Variants in ITSN1 observed in about 807,000 individuals in gnomAD.
ITSN1 encodes intersectin-1.
A neutral mutation model predicts 239.8 loss-of-function variants in ITSN1; 58 were observed. That is an observed-to-expected ratio of 0.24 (90% CI 0.20 to 0.30). The LOEUF (loss-of-function observed/expected upper bound fraction) is 0.30. Among genes scored for constraint, ITSN1 ranks in the 10% least tolerant of loss-of-function variants. ITSN1 has a pLI of 1.00. For missense variants in ITSN1, 1,558 were observed against 2,103.3 expected (o/e 0.74, Z 5.07); for synonymous variants, 780 against 770.8 (o/e 1.01, Z -0.20).
Position 33,750,155 on chromosome 21 carries a change from T to A in ITSN1, c.359T>A (p.Ile120Asn). 1 of 1,614,040 alleles carries A rather than the reference T, an allele frequency of 6.2e-7. No individual in the cohort carries two copies. Among genetic ancestry groups the A allele is most frequent in the Non-Finnish European group, 8.5e-7 (1 of 1,179,968 alleles). Reference protein sequence around the residue: ...SSAPAFGMGGIASMPPLTAVA... With the variant: ...SSAPAFGMGGNASMPPLTAVA... The stretch of plus-strand genomic sequence containing the variant: ...TTTTTCTTCATAGGTATGGGAGGTA[T>A]CGCCAGCATGCCACCGCTTACAGCT... The change falls in exon 6 of 40, where the codon ATC becomes AAC. Residue 120 changes from isoleucine to asparagine, a missense_variant. Physicochemically the swap from Ile to Asn is moderately radical, Grantham distance 149 (BLOSUM62 -3). Around this residue, in one of 2 missense-constraint regions of ITSN1, gnomAD observed 982 missense variants for 1,209.9 expected, o/e 0.81. Coordinates refer to ENST00000381318, the MANE Select transcript of ITSN1 (RefSeq NM_003024.3).
At chr21:33,687,638 G>C (rs751195221) in intron 1 of ITSN1, among the ~76,000 whole-genome samples, 1 of 152,044 alleles carries the variant, frequency 6.6e-6, no homozygotes, top group Admixed American at 6.6e-5. Context: ...ATGAACCAAC[G>C]TTCAGGAACA....
chr21:33,683,138 C>G (rs1601616046), intron 1 of ITSN1, among the ~76,000 whole-genome samples: 1 of 151,812 alleles, frequency 6.6e-6, no homozygotes, highest in African/African-American at 2.4e-5. Flanking sequence ...AATAAGGTGC[C>G]TTGGCGATTC....
intron 8 of ITSN1, among the ~76,000 whole-genome samples, chr21:33,760,057 G>A (rs532051071): frequency 4.0e-5 from 6 of 151,708 alleles, no homozygotes; most frequent in African/African-American, 1.5e-4. Flanking sequence ...AGCCAAGATG[G>A]CGCCACTGCA....
intron 1 of ITSN1, among the ~76,000 whole-genome samples, chr21:33,696,606 ATTTCT>A (rs1419968567): frequency 6.6e-6 from 1 of 152,102 alleles, no homozygotes; most frequent in Non-Finnish European, 1.5e-5. Context: ...TGCATATTTC[ATTTCT>A]TTTACTACCG....
At chr21:33,857,437 G>A (rs1224670714) in intron 30 of ITSN1, among the ~76,000 whole-genome samples, 8 of 152,198 alleles carry the variant, frequency 5.3e-5, no homozygotes, top group African/African-American at 1.4e-4. Flanking sequence ...GGGGAGATGC[G>A]GAGCCCGGCG....
chr21:33,643,433 A>G (rs1157046220), intron 1 of ITSN1: 2 of 151,994 alleles, frequency 1.3e-5, no homozygotes, highest in Non-Finnish European at 2.9e-5. Flanking sequence ...CACGAATGCA[A>G]TCCGAATTCC....
At chr21:33,800,893 C>A (rs2071948573) in intron 19 of ITSN1, among the ~76,000 whole-genome samples, 1 of 143,404 alleles carries the variant, frequency 7.0e-6, no homozygotes, top group South Asian at 2.1e-4. Flanking sequence ...TGGCTCACTG[C>A]AACCTCTGCC....
chr21:33,694,587 G>A (rs1048735272), intron 1 of ITSN1, among the ~76,000 whole-genome samples: 3 of 152,096 alleles, frequency 2.0e-5, no homozygotes, highest in Non-Finnish European at 4.4e-5. Flanking sequence ...TTGGGAGGCC[G>A]AGGCGGGCAG....
At chr21:33,746,348 C>T (rs1023120376) in intron 5 of ITSN1, among the ~76,000 whole-genome samples, 10 of 152,128 alleles carry the variant, frequency 6.6e-5, no homozygotes, top group African/African-American at 2.4e-4. Context: ...AAGAGGCAGT[C>T]AGTAGGAACT....
At chr21:33,875,254 A>T in intron 33 of ITSN1, 100 bp from the exon 34 acceptor site, 2 of 1,335,162 alleles carry the variant, frequency 1.5e-6, no homozygotes, top group Non-Finnish European at 2.1e-6. Flanking sequence ...CCATGAAAGG[A>T]TGGTGCCCTG....
chr21:33,790,181 G>A (rs1025548022), intron 16 of ITSN1, among the ~76,000 whole-genome samples: 1 of 151,838 alleles, frequency 6.6e-6, no homozygotes, highest in African/African-American at 2.4e-5. Context: ...AGTATCCACA[G>A]GGCTGAAGCT....
chr21:33,798,452 A>T (rs563337745), intron 18 of ITSN1, among the ~76,000 whole-genome samples: 2 of 152,276 alleles, frequency 1.3e-5, no homozygotes, highest in Admixed American at 1.3e-4. Flanking sequence ...GAACAAAAAG[A>T]TAAATGAAAG....
chr21:33,769,554 G>A (rs1478335072), intron 11 of ITSN1, among the ~76,000 whole-genome samples: 2 of 152,196 alleles, frequency 1.3e-5, no homozygotes, highest in Admixed American at 6.5e-5. Context: ...ATCACGGTGT[G>A]CAGATTTGGT....
intron 1 of ITSN1, among the ~76,000 whole-genome samples, chr21:33,672,193 G>A (rs2146392598): frequency 6.6e-6 from 1 of 151,818 alleles, no homozygotes; most frequent in South Asian, 2.1e-4. Flanking sequence ...CGGTGAGCTG[G>A]GCAACAAGAG....
chr21:33,652,670 A>G (rs1383977030), intron 1 of ITSN1, among the ~76,000 whole-genome samples: 1 of 152,160 alleles, frequency 6.6e-6, no homozygotes. Flanking sequence ...AGGACTGGGT[A>G]AAACCATCTC....
chr21:33,760,161 G>A (rs896112150), intron 8 of ITSN1, among the ~76,000 whole-genome samples: 1 of 151,728 alleles, frequency 6.6e-6, no homozygotes, highest in African/African-American at 2.4e-5. Context: ...GAATTAGGAT[G>A]TAATGACACA....
chr21:33,785,401 G>T (rs887494124), intron 16 of ITSN1, among the ~76,000 whole-genome samples: 3 of 152,182 alleles, frequency 2.0e-5, no homozygotes, highest in Non-Finnish European at 1.5e-5. Context: ...TGAGTTATAA[G>T]ACAGTGATTA....
chr21:33,691,235 AT>A (rs1001376163), intron 1 of ITSN1, among the ~76,000 whole-genome samples: 7 of 152,198 alleles, frequency 4.6e-5, no homozygotes, highest in African/African-American at 1.7e-4. Context: ...CTGTCATATA[AT>A]AAACAGTCAA....
At chr21:33,853,439 A>T (rs537661469) in intron 29 of ITSN1, among the ~76,000 whole-genome samples, 2 of 152,310 alleles carry the variant, frequency 1.3e-5, no homozygotes, top group Admixed American at 6.5e-5. Flanking sequence ...TCTTGGACAA[A>T]TGGCCCAAAT....
Sources: allele counts gnomAD v4.1 joint callset (sites outside exome capture counted in the v4.1 genomes callset), GRCh38; gene constraint gnomAD v4.1.1; regional missense constraint gnomAD v4.1.1; transcripts MANE v1.5; gene names NCBI Gene and HGNC (gene_info 2026-07-23, HGNC 2026-07-21).